Variants in DDX50 observed in about 807,000 individuals in gnomAD.
DDX50 encodes ATP-dependent RNA helicase DDX50.
DDX50 carries 56 observed loss-of-function variants against 94.8 expected under a neutral mutation model. The ratio of observed to expected loss-of-function variants is 0.59; its 90% CI spans 0.48 to 0.74. The LOEUF (loss-of-function observed/expected upper bound fraction) is 0.74, where lower values mean the gene tolerates loss of function less well. DDX50 is among the 30% of genes least tolerant of loss of function. The pLI, the probability that DDX50 is intolerant of heterozygous loss-of-function variation, is 0.00. For missense variants in DDX50, 713 were observed against 881.2 expected, an observed-to-expected ratio of 0.81 and a Z score of 2.42; for synonymous variants, 264 against 295.4, an observed-to-expected ratio of 0.89 and a Z score of 1.09.
chr10:68,939,410 A>G (rs887108352), intron 12 of DDX50, among the ~76,000 whole-genome samples: 1 of 152,210 alleles, frequency 6.6e-6, no homozygotes, highest in Non-Finnish European at 1.5e-5. Context: ...CTCTGATTAA[A>G]TATCTTAGAA....
chr10:68,936,009 AT>A lies in DDX50; in HGVS notation c.1527del (p.Thr510LeufsTer5). 2 of 1,597,274 alleles carry A rather than the reference AT, an allele frequency of 1.3e-6. No homozygotes were observed. Among genetic ancestry groups the A allele is most frequent in the South Asian group, 1.1e-5 (1 of 87,670 alleles). ...QLRYVEQKAG[I>X]TFKRVGVPST... ...AATGTAACTCTTTCATTTTCAGGGAATTACTTTTAAACGTGTAGGTGTTCCT... is the reference window on the plus strand; with the variant it reads ...AATGTAACTCTTTCATTTTCAGGGAATACTTTTAAACGTGTAGGTGTTCCT... On this transcript the variant is annotated frameshift_variant, in exon 11 of 15. Transcript: ENST00000373585. LOFTEE classifies it high-confidence loss of function.
intron 8 of DDX50, among the ~76,000 whole-genome samples, chr10:68,925,461 T>C (rs1842060257): frequency 6.6e-6 from 1 of 152,172 alleles, no homozygotes; most frequent in Non-Finnish European, 1.5e-5. Context: ...ATTTGTTACA[T>C]GTGTCATCTG....
intron 8 of DDX50, among the ~76,000 whole-genome samples, chr10:68,926,071 G>A (rs1259895010): frequency 7.0e-6 from 1 of 143,610 alleles, no homozygotes; most frequent in Non-Finnish European, 1.5e-5. Flanking sequence ...CTGTCTACTT[G>A]GGAGGCTGAG....
At chr10:68,935,896 T>C in intron 10 of DDX50, 110 bp from the exon 11 acceptor site, 2 of 766,976 alleles carry the variant, frequency 2.6e-6, no homozygotes, top group Non-Finnish European at 4.1e-6. Context: ...GCTAGGGCTA[T>C]GAAATCTTTA....
intron 8 of DDX50, among the ~76,000 whole-genome samples, chr10:68,929,355 CCTT>C (rs1255067118): frequency 1.3e-5 from 2 of 149,114 alleles, no homozygotes; most frequent in African/African-American, 4.9e-5. Context: ...TTCCTTCTTT[CCTT>C]CTTTCCTTCC....
chr10:68,905,575 C>T (rs1041384363), intron 1 of DDX50, among the ~76,000 whole-genome samples: 1 of 152,194 alleles, frequency 6.6e-6, no homozygotes, highest in African/African-American at 2.4e-5. Context: ...GGATCTTTGG[C>T]AAGTTGCTTA....
Position 68,901,348 on chromosome 10 carries a change from G to A in DDX50, c.-37G>A. 6.6e-7 allele frequency: 1 copy of A among 1,515,802 alleles called. No individual in the cohort carries two copies. 93.9% of individuals were successfully genotyped at this position (1,515,802 alleles called of 1,614,324 possible). On this transcript the variant is annotated 5_prime_UTR_variant, in exon 1 of 15. Transcript: ENST00000373585. Reference sequence around the variant, plus strand: ...GCTGTCGCTGCCCGTAGGTGGTTGTGGCCACTGTGCCCGGAGGGAGGCGGC... The same window carrying A: ...GCTGTCGCTGCCCGTAGGTGGTTGTAGCCACTGTGCCCGGAGGGAGGCGGC...
intron 8 of DDX50, among the ~76,000 whole-genome samples, chr10:68,921,923 T>A (rs1485948939): frequency 6.6e-6 from 1 of 152,204 alleles, no homozygotes; most frequent in Non-Finnish European, 1.5e-5. Context: ...TAAAAATCGG[T>A]AGTTTTACTA....
Position 68,934,752 on chromosome 10 carries a change from T to C in DDX50, c.1402-47T>C. The C allele has an allele frequency of 6.4e-6, 10 of 1,552,830 alleles. No homozygotes were observed. Among genetic ancestry groups the C allele is most frequent in the Non-Finnish European group, 7.8e-6 (9 of 1,157,076 alleles). The stretch of plus-strand genomic sequence containing the variant: ...ATTATTATTTGGATTCCGGAATGAC[T>C]GCAACTTGCTAGATTTTTAAAAAAT... On this transcript the variant is annotated intron_variant, in intron 9 of 14. Transcript: ENST00000373585. This position sits in a 1 kb window ranked among gnomAD's most constrained non-coding sequence, Gnocchi z 4.0.
chr10:68,930,065 TTTCCTTCCTTTCCTTTCCC>T (rs995420036), intron 8 of DDX50, among the ~76,000 whole-genome samples: 8 of 147,460 alleles, frequency 5.4e-5, no homozygotes, highest in Non-Finnish European at 1.0e-4. Flanking sequence ...CTTCCTTTCT[TTTCCTTCCTTTCCTTTCCC>T]TTCCTTCCTT....
At chr10:68,941,830 G>A (rs1165818741) in intron 13 of DDX50, among the ~76,000 whole-genome samples, 11 of 152,168 alleles carry the variant, frequency 7.2e-5, no homozygotes, top group African/African-American at 2.7e-4. Flanking sequence ...AGTAGAGATG[G>A]GGTTTCAGCA....
Position 68,906,814 on chromosome 10 carries a change from C to A in DDX50, c.191C>A (p.Ser64Tyr), listed in dbSNP as rs941952611. The A allele has an allele frequency of 3.1e-6, 5 of 1,613,372 alleles. No individual in the cohort carries two copies. The African/African-American group carries it at 6.7e-5, about 22-fold the overall frequency. The part of the protein sequence containing the change: ...DDLDAPKAKK[S>Y]KMKEKLNGDT... ...CTGGATGCTCCCAAGGCCAAAAAAT[C>A]TAAAATGAAAGAGAAGCTAAATGGA... The change falls in exon 2 of 15, where the codon TCT (serine) becomes TAT (tyrosine). Residue 64 changes from serine to tyrosine, a missense_variant. By Grantham distance (144) the Ser-to-Tyr change is moderately radical (BLOSUM62 -2). Coordinates refer to ENST00000373585, the MANE Select transcript of DDX50 (RefSeq NM_024045.2).
intron 8 of DDX50, among the ~76,000 whole-genome samples, chr10:68,925,899 A>C (rs976689394): frequency 6.6e-6 from 1 of 151,398 alleles, no homozygotes; most frequent in African/African-American, 2.4e-5. Flanking sequence ...CTGTAGTCCC[A>C]GCTGCGTGGG....
intron 8 of DDX50, among the ~76,000 whole-genome samples, chr10:68,921,971 G>T (rs1841953100): frequency 1.3e-5 from 2 of 151,814 alleles, no homozygotes; most frequent in Admixed American, 1.3e-4. Flanking sequence ...AGTTTTTCTG[G>T]GTACGCAGTG....
chr10:68,944,491 G>T (rs576786793), intron 14 of DDX50, among the ~76,000 whole-genome samples: 1 of 152,162 alleles, frequency 6.6e-6, no homozygotes, highest in South Asian at 2.1e-4. Flanking sequence ...ATATGTTAAA[G>T]ACACATTTTT....
intron 3 of DDX50, 114 bp from the exon 4 acceptor site, chr10:68,910,954 A>T: frequency 1.4e-6 from 1 of 738,858 alleles, no homozygotes; most frequent in Non-Finnish European, 2.0e-6. Flanking sequence ...CTGTGTCACC[A>T]GGTGGCATGT....
At position 68,908,790 on chromosome 10, in the gene DDX50, T is replaced by C. The variant is rs185562693; in HGVS notation, c.385-1517T>C. On this transcript the variant is annotated intron_variant, in intron 2 of 14. Coordinates refer to ENST00000373585, the MANE Select transcript of DDX50 (RefSeq NM_024045.2). ...CTGAGTAGCTGGGACTATAGGCGTG[T>C]AGCACCATGCCTGGCTAATTTGTGT... Among the ~76,000 whole-genome samples the C allele has an allele frequency of 2.1e-3, 325 of 152,018 alleles. 2 individuals carry two copies. The highest frequency in any genetic ancestry group is 7.4e-3 in the African/African-American group (307 of 41,470).
intron 8 of DDX50, among the ~76,000 whole-genome samples, chr10:68,923,492 C>A (rs1841996796): frequency 6.6e-6 from 1 of 151,678 alleles, no homozygotes; most frequent in South Asian, 2.1e-4. Context: ...AGTCGAAAGC[C>A]ACTGTGCCCA....
intron 2 of DDX50, among the ~76,000 whole-genome samples, chr10:68,909,477 T>G (rs984477662): frequency 7.2e-5 from 11 of 152,252 alleles, no homozygotes; most frequent in African/African-American, 2.7e-4. Context: ...TAACTTATTT[T>G]CAGAAAAACT....
Sources: allele counts gnomAD v4.1 joint callset (sites outside exome capture counted in the v4.1 genomes callset), GRCh38; gene constraint gnomAD v4.1.1; non-coding constraint Gnocchi (gnomAD v3.1); transcripts MANE v1.5; gene names NCBI Gene and HGNC (gene_info 2026-07-23, HGNC 2026-07-21).